The following MICALL2 variants were observed in gnomAD, a reference collection of about 807,000 sequenced individuals.
The protein encoded by MICALL2 is MICAL like 2.
Under a neutral mutation model 91.1 loss-of-function variants are expected in MICALL2, and 111 were observed. The ratio of observed to expected loss-of-function variants is 1.22; its 90% CI spans 1.04 to 1.43. The LOEUF is 1.43. Among genes scored for constraint, MICALL2 ranks in the 40% most tolerant of loss-of-function variants. MICALL2 has a pLI of 0.00. For missense variants in MICALL2, 1,556 were observed against 1,236.0 expected (o/e 1.26, Z -3.88); for synonymous variants, 694 against 525.3 (o/e 1.32, Z -4.39).
chr7:1,443,638 G>A lies in MICALL2; in HGVS notation c.1418+1014C>T, dbSNP rs191340854. On this transcript the variant is annotated intron_variant, in intron 6 of 16. Transcript: ENST00000297508. ...CCTTAGAAGAGACAGAAGAGGAGAAGACAGACAGAGAGAAGGCCACATGGA... is the reference window on the plus strand; with the variant it reads ...CCTTAGAAGAGACAGAAGAGGAGAAAACAGACAGAGAGAAGGCCACATGGA... Among the ~76,000 whole-genome samples, 16 of 149,984 alleles carry A rather than the reference G, an allele frequency of 1.1e-4. No individual in the cohort carries two copies. The East Asian group carries it at 1.2e-3, about 11-fold the overall frequency.
At chr7:1,440,316 C>T (rs59904195) in intron 8 of MICALL2, 17 of 631,548 alleles carry the variant, frequency 2.7e-5, no homozygotes, top group South Asian at 9.9e-5. Flanking sequence ...CCGGGCCCCA[C>T]GGGACCCACA....
At chr7:1,446,871 G>A (rs749808920) in intron 4 of MICALL2, 43 bp from the exon 5 acceptor site, 2 of 1,391,620 alleles carry the variant, frequency 1.4e-6, no homozygotes, top group Admixed American at 4.1e-5. Context: ...CGTCCACCCA[G>A]CCCTCCCTCC....
intron 8 of MICALL2, 131 bp from the exon 9 acceptor site, chr7:1,440,216 G>T: frequency 9.1e-7 from 1 of 1,096,928 alleles, no homozygotes; most frequent in East Asian, 2.6e-5. Flanking sequence ...CCACCTCCCA[G>T]CCCACTGACT....
At chr7:1,434,836 C>T in intron 16 of MICALL2, 164 bp from the exon 17 acceptor site, 4 of 793,382 alleles carry the variant, frequency 5.0e-6, no homozygotes, top group East Asian at 2.7e-5. Context: ...TGAGAACCTG[C>T]CCCGACTGGG....
intron 5 of MICALL2, among the ~76,000 whole-genome samples, 177 bp from the exon 6 acceptor site, chr7:1,445,605 T>A (rs1018630867): frequency 1.3e-5 from 2 of 152,188 alleles, no homozygotes; most frequent in African/African-American, 4.8e-5. Flanking sequence ...CGGACTCCTG[T>A]GTTCCACTCA....
At chr7:1,450,558 C>T (rs1012266180) in intron 1 of MICALL2, 1 of 430,130 alleles carries the variant, frequency 2.3e-6, no homozygotes, top group Non-Finnish European at 4.3e-6. Flanking sequence ...ACCAGTGCTC[C>T]TGCCACAGTC....
chr7:1,442,742 C>T (rs1038523536), intron 6 of MICALL2, among the ~76,000 whole-genome samples: 2 of 152,136 alleles, frequency 1.3e-5, no homozygotes, highest in Admixed American at 6.5e-5. Flanking sequence ...AAGGCACAGG[C>T]CACAGACACC....
rs749003870 is a variant in MICALL2 at position 1,445,251 on chromosome 7, TG to T, written c.818del (p.Pro273HisfsTer44). 1.9e-6 allele frequency: 3 copies of T among 1,612,352 alleles called. No individual in the cohort carries two copies. The highest frequency in any genetic ancestry group is 2.5e-6 in the Non-Finnish European group (3 of 1,179,796). On this transcript the variant is annotated frameshift_variant, in exon 6 of 17. Transcript: ENST00000297508. LOFTEE classifies it high-confidence loss of function. The part of the protein sequence containing the change: ...MGVDSRTSCS[P>X]QKAQEANKAR... ...CCTTGTTTGCCTCCTGGGCCTTCTG[TG>T]GGGAACAGGAGGTCCTGGAATCCAC...
At chr7:1,434,763 C>A in intron 16 of MICALL2, 91 bp from the exon 17 acceptor site, 1 of 1,326,034 alleles carries the variant, frequency 7.5e-7, no homozygotes, top group South Asian at 1.4e-5. Context: ...ACATCCTTCC[C>A]TTCCACTGGC....
chr7:1,457,875 C>T (rs1157540933), intron 1 of MICALL2, among the ~76,000 whole-genome samples: 9 of 152,268 alleles, frequency 5.9e-5, no homozygotes, highest in African/African-American at 2.2e-4. Context: ...GGTGGGGTCT[C>T]GCCTGCCTTC....
chr7:1,449,053 C>A (rs1043834102), intron 2 of MICALL2, among the ~76,000 whole-genome samples: 2 of 152,270 alleles, frequency 1.3e-5, no homozygotes, highest in Non-Finnish European at 2.9e-5. Context: ...TCCCAGGCCC[C>A]ACCCAACCCA....
chr7:1,436,818 C>A lies in MICALL2; in HGVS notation c.2515G>T (p.Glu839Ter). The A allele has an allele frequency of 6.2e-7, 1 of 1,605,412 alleles. No homozygotes were observed. The change falls in exon 15 of 17, where the codon GAG becomes TAG. Residue 839 changes from glutamate (E) to a stop codon, truncating the protein, a stop_gained. Coordinates refer to ENST00000297508, the MANE Select transcript of MICALL2 (RefSeq NM_182924.4). LOFTEE classifies it high-confidence loss of function. Reference protein sequence around the residue: ...KSLQERRREQELLEQYVSTVN... With the variant: ...KSLQERRREQ ...GTGCTCACGTACTGCTCCAGCAGCT[C>A]CTGCTCCCGCCGCCGCTCCTGCAGT...
intron 14 of MICALL2, chr7:1,437,294 G>A (rs1028973913): frequency 7.3e-6 from 4 of 544,436 alleles, no homozygotes; most frequent in African/African-American, 2.0e-5. Context: ...GCGTGAGGTG[G>A]GTGCTACAAG....
At position 1,436,640 on chromosome 7, in the gene MICALL2, C is replaced by T. The variant is rs180792267; in HGVS notation, c.2591+102G>A. ...TACCAGTCAGCATAGACAATAACCG[C>T]CTGGTCAGAAAGTTCTACGGGGCTG... On this transcript the variant is annotated intron_variant, in intron 15 of 16. Transcript: ENST00000297508. The T allele has an allele frequency of 2.1e-3, 1,613 of 777,584 alleles. 5 individuals carry two copies. The highest frequency in any genetic ancestry group is 4.7e-3 in the Middle Eastern group (12 of 2,528). 48.2% of individuals were successfully genotyped at this position (777,584 alleles called of 1,614,324 possible). A position where few individuals can be genotyped will look rare whatever the true frequency, so the allele number is the denominator to read the frequency against.
chr7:1,443,092 C>G (rs920169308), intron 6 of MICALL2, among the ~76,000 whole-genome samples: 1 of 137,570 alleles, frequency 7.3e-6, no homozygotes, highest in African/African-American at 2.6e-5. Context: ...CCCCACCCCC[C>G]TCGACAACCA....
intron 1 of MICALL2, among the ~76,000 whole-genome samples, chr7:1,456,858 T>C (rs1310342459): frequency 2.0e-5 from 3 of 152,154 alleles, no homozygotes; most frequent in Non-Finnish European, 4.4e-5. Flanking sequence ...ACTCCGGGTT[T>C]TCCATCAGCC....
intron 16 of MICALL2, 73 bp downstream of exon 16, chr7:1,435,028 G>A: frequency 1.4e-6 from 1 of 709,052 alleles, no homozygotes; most frequent in South Asian, 2.2e-5. Flanking sequence ...CACCCAGCCA[G>A]CCAGCCCAGC....
At chr7:1,458,394 G>C (rs1316968447) in intron 1 of MICALL2, among the ~76,000 whole-genome samples, 8 of 152,152 alleles carry the variant, frequency 5.3e-5, no homozygotes, top group African/African-American at 1.9e-4. Context: ...TGGCCGTTGA[G>C]GGCCCCCCTT....
At chr7:1,445,616 C>T (rs964458930) in intron 5 of MICALL2, among the ~76,000 whole-genome samples, 188 bp from the exon 6 acceptor site, 2 of 151,244 alleles carry the variant, frequency 1.3e-5, no homozygotes, top group Non-Finnish European at 2.9e-5. Context: ...GTTCCACTCA[C>T]GAGGTCGCTG....
Sources: allele counts gnomAD v4.1 joint callset (sites outside exome capture counted in the v4.1 genomes callset), GRCh38; gene constraint gnomAD v4.1.1; transcripts MANE v1.5; gene names NCBI Gene and HGNC (gene_info 2026-07-23, HGNC 2026-07-21).